SLC4A4: variants seen among roughly 807,000 people sequenced by gnomAD.
SLC4A4 encodes the protein electrogenic sodium bicarbonate cotransporter 1.
A neutral mutation model predicts 111.5 loss-of-function variants in SLC4A4; 27 were observed. That is an observed-to-expected ratio of 0.24 (90% CI 0.18 to 0.33). The LOEUF is 0.33. Among genes scored for constraint, SLC4A4 ranks in the 10% least tolerant of loss-of-function variants. The pLI, the probability that SLC4A4 is intolerant of heterozygous loss-of-function variation, is 1.00. For synonymous variants in SLC4A4, 443 were observed against 463.4 expected (o/e 0.96, Z 0.57); for missense variants, 909 against 1,315.5 (o/e 0.69, Z 4.78).
At chr4:71,215,053 C>T (rs1328875754) in intron 1 of SLC4A4, among the ~76,000 whole-genome samples, 1 of 152,200 alleles carries the variant, frequency 6.6e-6, no homozygotes, top group Non-Finnish European at 1.5e-5. Flanking sequence ...TTATTAGCAA[C>T]TAGGCATGCT....
intron 23 of SLC4A4, among the ~76,000 whole-genome samples, chr4:71,561,465 C>T (rs113714615): frequency 6.6e-6 from 1 of 151,888 alleles, no homozygotes; most frequent in Non-Finnish European, 1.5e-5. Flanking sequence ...TCTAACTGGT[C>T]AGGCTATCTG....
intron 3 of SLC4A4, among the ~76,000 whole-genome samples, chr4:71,328,767 G>GT (rs1352790947): frequency 6.6e-6 from 1 of 151,882 alleles, no homozygotes; most frequent in Admixed American, 6.6e-5. Flanking sequence ...CCATCTTTTG[G>GT]TTGTCTCTTC....
intron 1 of SLC4A4, among the ~76,000 whole-genome samples, chr4:71,190,120 A>G (rs1446307277): frequency 2.0e-5 from 3 of 152,196 alleles, no homozygotes; most frequent in Non-Finnish European, 4.4e-5. Context: ...ACAAAACTGG[A>G]TCTTACTACT....
chr4:71,288,059 A>G (rs1229865106), intron 3 of SLC4A4, among the ~76,000 whole-genome samples: 3 of 152,148 alleles, frequency 2.0e-5, no homozygotes, highest in Admixed American at 6.5e-5. Flanking sequence ...ATCTCTATCC[A>G]CTGAGATGCA....
intron 7 of SLC4A4, among the ~76,000 whole-genome samples, chr4:71,416,230 C>A (rs1429104218): frequency 6.6e-6 from 1 of 152,122 alleles, no homozygotes; most frequent in Non-Finnish European, 1.5e-5. Context: ...TAGCAGTTTC[C>A]CATCACCTGA....
intron 7 of SLC4A4, among the ~76,000 whole-genome samples, chr4:71,407,461 G>A (rs945137172): frequency 2.0e-5 from 3 of 152,192 alleles, no homozygotes; most frequent in African/African-American, 7.2e-5. Context: ...TGACAGTGAA[G>A]TGCAGCTGGG....
chr4:71,419,666 G>A (rs1310380230), intron 7 of SLC4A4, among the ~76,000 whole-genome samples: 2 of 152,212 alleles, frequency 1.3e-5, no homozygotes, highest in African/African-American at 2.4e-5. Context: ...GCAATGCCTT[G>A]CCCTCCTTCG....
At chr4:71,367,345 A>G (rs2148927772) in intron 6 of SLC4A4, among the ~76,000 whole-genome samples, 1 of 152,340 alleles carries the variant, frequency 6.6e-6, no homozygotes, top group South Asian at 2.1e-4. Flanking sequence ...TGGAAGCTAA[A>G]GGACATGTCT....
chr4:71,529,282 T>G (rs904411473), intron 16 of SLC4A4, among the ~76,000 whole-genome samples: 1 of 152,122 alleles, frequency 6.6e-6, no homozygotes, highest in African/African-American at 2.4e-5. Context: ...TATACATTTG[T>G]GTAACCAACA....
At chr4:71,537,214 C>T (rs764997095) in intron 18 of SLC4A4, among the ~76,000 whole-genome samples, 7 of 150,516 alleles carry the variant, frequency 4.7e-5, no homozygotes, top group Non-Finnish European at 3.0e-5. Context: ...GGGTAACAGA[C>T]TCTAATGCGT....
intron 3 of SLC4A4, among the ~76,000 whole-genome samples, chr4:71,307,542 G>A (rs1725793369): frequency 6.6e-6 from 1 of 152,200 alleles, no homozygotes; most frequent in South Asian, 2.1e-4. Context: ...ATGGAAGTCT[G>A]TGATTTTTGA....
chr4:71,397,669 T>C lies in SLC4A4; in HGVS notation c.807+16T>C. 6.2e-7 allele frequency: 1 copy of C among 1,606,712 alleles called. No homozygotes were observed. Among genetic ancestry groups the C allele is most frequent in the Non-Finnish European group, 8.5e-7 (1 of 1,173,316 alleles). ...GAAGGACCAGGTAAGCAAAAAATTCTTGCTTCTTTGAAATGTAAGAGAACG... is the reference window on the plus strand; with the variant it reads ...GAAGGACCAGGTAAGCAAAAAATTCCTGCTTCTTTGAAATGTAAGAGAACG... On this transcript the variant is annotated intron_variant, in intron 7 of 25. Coordinates refer to ENST00000264485, the MANE Select transcript of SLC4A4 (RefSeq NM_001098484.3).
chr4:71,156,067 T>C (rs1744454734), intron 2 of SLC4A4, among the ~76,000 whole-genome samples: 2 of 152,218 alleles, frequency 1.3e-5, no homozygotes, highest in South Asian at 4.1e-4. Flanking sequence ...TCTTCCTTAT[T>C]ATGTTGTTTT....
intron 6 of SLC4A4, among the ~76,000 whole-genome samples, chr4:71,369,052 C>T (rs752723215): frequency 2.6e-5 from 4 of 152,154 alleles, no homozygotes; most frequent in Non-Finnish European, 5.9e-5. Context: ...GTGCGCAGCC[C>T]GCTTGAGAAC....
chr4:71,486,882 A>AGG, intron 14 of SLC4A4, 66 bp from the exon 15 acceptor site: 8 of 839,230 alleles, frequency 9.5e-6, no homozygotes, highest in South Asian at 1.8e-5. Context: ...AAAATACCTA[A>AGG]TTATGCATTT....
intron 2 of SLC4A4, among the ~76,000 whole-genome samples, chr4:71,106,608 T>TA (rs1161343783): frequency 6.9e-6 from 1 of 144,908 alleles, no homozygotes; most frequent in Non-Finnish European, 1.5e-5. Context: ...AAATGATGAG[T>TA]TCATGTCCTT....
intron 2 of SLC4A4, among the ~76,000 whole-genome samples, chr4:71,174,373 C>T (rs1196283815): frequency 6.6e-5 from 10 of 152,006 alleles, no homozygotes; most frequent in African/African-American, 2.4e-4. Flanking sequence ...CCTCAGCCTC[C>T]CAAGTAGCTG....
chr4:71,112,505 AT>A (rs1743115270), intron 2 of SLC4A4, among the ~76,000 whole-genome samples: 1 of 152,242 alleles, frequency 6.6e-6, no homozygotes, highest in Non-Finnish European at 1.5e-5. Flanking sequence ...GAAGCTATGC[AT>A]AAAGGAAACA....
In SLC4A4 at chr4:71,483,506, G is replaced by A. The variant is rs138930183; in HGVS notation, c.1904-3442G>A. ...ATATCCCTGCAAAGGGCATGATCTCGTTCCTTTTATGGCTGCATAGTATTC... is the reference window on the plus strand; with the variant it reads ...ATATCCCTGCAAAGGGCATGATCTCATTCCTTTTATGGCTGCATAGTATTC... On this transcript the variant is annotated intron_variant, in intron 14 of 25. Coordinates refer to ENST00000264485, the MANE Select transcript of SLC4A4 (RefSeq NM_001098484.3). Among the ~76,000 whole-genome samples, 532 of 151,786 alleles carry A rather than the reference G, an allele frequency of 3.5e-3. 2 individuals are homozygous for A. The highest frequency in any genetic ancestry group is 0.012 in the African/African-American group (486 of 41,474).
Sources: gnomAD v4.1 joint callset for allele counts (sites outside exome capture counted in the v4.1 genomes callset) on GRCh38, gnomAD v4.1.1 for gene constraint, MANE v1.5 for transcripts, NCBI Gene and HGNC (gene_info 2026-07-23, HGNC 2026-07-21) for gene names.